Variants in ZNF599 observed in about 807,000 individuals in gnomAD.
ZNF599 encodes zinc finger protein 599.
A neutral mutation model predicts 11.7 loss-of-function variants in ZNF599; 10 were observed. The observed-to-expected ratio is 0.86, with a 90% CI of 0.53 to 1.45. ZNF599 has a LOEUF of 1.45. Ranked by LOEUF, ZNF599 falls within the 40% of genes most tolerant of loss-of-function variation. The pLI, the probability that ZNF599 is intolerant of heterozygous loss-of-function variation, is 0.00. For missense variants in ZNF599, 688 were observed against 713.6 expected, an observed-to-expected ratio of 0.96 and a Z score of 0.41; for synonymous variants, 232 against 253.2, an observed-to-expected ratio of 0.92 and a Z score of 0.79.
At position 34,766,569 on chromosome 19, in the gene ZNF599, C is replaced by T. The variant is rs183164555; in HGVS notation, c.241+747G>A. Reference sequence around the variant, plus strand: ...ACAAGTAACTTCTGTTGAGCCACTCCGGGTCAGGCAGTGTGCTAGGCAGTT... The same window carrying T: ...ACAAGTAACTTCTGTTGAGCCACTCTGGGTCAGGCAGTGTGCTAGGCAGTT... On this transcript the variant is annotated intron_variant, in intron 3 of 3. Coordinates refer to ENST00000329285, the MANE Select transcript of ZNF599 (RefSeq NM_001007248.3). Among the ~76,000 whole-genome samples the T allele has an allele frequency of 7.9e-5, 12 of 152,334 alleles. No individual in the cohort carries two copies. In the East Asian group the frequency reaches 1.2e-3, roughly 15 times the overall value.
At position 34,759,518 on chromosome 19, in the gene ZNF599, C is replaced by G; in HGVS notation, c.1283G>C (p.Cys428Ser). 6.2e-7 allele frequency: 1 copy of G among 1,614,092 alleles called. No individual in the cohort carries two copies. Among genetic ancestry groups the G allele is most frequent in the Non-Finnish European group, 8.5e-7 (1 of 1,179,986 alleles). Residue 428 changes from cysteine to serine, a missense_variant, in exon 4 of 4, where the codon TGT becomes TCT. Cys to Ser is a moderately radical substitution (Grantham distance 112). Coordinates refer to ENST00000329285, the MANE Select transcript of ZNF599 (RefSeq NM_001007248.3). ...AGAGCTGTCACAAAAGGCCTTCCCACATTCTTTGCACTCAAAGGGCTTCTC... is the reference window on the plus strand; with the variant it reads ...AGAGCTGTCACAAAAGGCCTTCCCAGATTCTTTGCACTCAAAGGGCTTCTC... ...TGEKPFECKE[C>S]GKAFCDSSSL... is the part of the protein sequence containing the mutation.
intron 3 of ZNF599, chr19:34,765,648 G>A (rs2069137686): frequency 1.4e-6 from 1 of 702,962 alleles, no homozygotes; most frequent in Non-Finnish European, 2.6e-6. Flanking sequence ...GAAGCTGCAG[G>A]ATAAGTCAGA....
At chr19:34,803,317 G>C in the ZNF599 span, among the ~76,000 whole-genome samples, 1 of 152,176 alleles carries the variant, frequency 6.6e-6, no homozygotes, top group Non-Finnish European at 1.5e-5. Flanking sequence ...AGGAAAGGCA[G>C]AATCTAGTCT....
the ZNF599 span, among the ~76,000 whole-genome samples, chr19:34,792,732 G>A: frequency 1.3e-5 from 2 of 151,896 alleles, no homozygotes; most frequent in South Asian, 2.1e-4. Flanking sequence ...GCGTGGTGGC[G>A]GGTGCCTGTA....
intron 2 of ZNF599, among the ~76,000 whole-genome samples, chr19:34,768,522 A>G (rs1422288466): frequency 6.6e-6 from 1 of 152,230 alleles, no homozygotes; most frequent in African/African-American, 2.4e-5. Flanking sequence ...TGTCCATTAA[A>G]GGTTTAGGTG....
At chr19:34,772,668 T>C (rs2069190955) in intron 1 of ZNF599, 156 bp downstream of exon 1, 2 of 1,443,492 alleles carry the variant, frequency 1.4e-6, no homozygotes. Flanking sequence ...AGGAAGTGAT[T>C]AGCCCTGCCC....
In ZNF599 at chr19:34,772,815, TC is replaced by T; in HGVS notation, c.18+8del. 6.5e-7 allele frequency: 1 copy of T among 1,528,934 alleles called. No individual in the cohort carries two copies. Among genetic ancestry groups the T allele is most frequent in the Non-Finnish European group, 8.8e-7 (1 of 1,141,546 alleles). The allele number at this position is 1,528,934 out of a possible 1,614,324, so 94.7% of individuals were successfully genotyped here. On this transcript the variant is annotated splice_region_variant and intron_variant, in intron 1 of 3. Coordinates refer to ENST00000329285, the MANE Select transcript of ZNF599 (RefSeq NM_001007248.3). ...CGAGCTCGCGCGGGCTGCGGAACCCTCCACTCACCAACGCCGGCGCCGCCAT... is the reference window on the plus strand; with the variant it reads ...CGAGCTCGCGCGGGCTGCGGAACCCTCACTCACCAACGCCGGCGCCGCCAT...
chr19:34,770,035 A>T (rs1017471718), intron 1 of ZNF599, among the ~76,000 whole-genome samples: 6 of 152,162 alleles, frequency 3.9e-5, no homozygotes, highest in Non-Finnish European at 5.9e-5. Flanking sequence ...AAGTCTCTTA[A>T]TTTCTTGGAG....
chr19:34,790,588 G>A, the ZNF599 span, among the ~76,000 whole-genome samples: 2 of 152,140 alleles, frequency 1.3e-5, no homozygotes, highest in South Asian at 2.1e-4. Flanking sequence ...AGTAGAGAGC[G>A]GAAGGCCTGG....
chr19:34,780,429 A>T, the ZNF599 span, among the ~76,000 whole-genome samples: 3 of 151,958 alleles, frequency 2.0e-5, no homozygotes, highest in Admixed American at 2.0e-4. Context: ...GGATTGCTTG[A>T]GCCCAAGAGG....
At position 34,759,723 on chromosome 19, in the gene ZNF599, T is replaced by C; in HGVS notation, c.1078A>G (p.Thr360Ala). The C allele has an allele frequency of 1.2e-6, 2 of 1,614,186 alleles. No individual in the cohort carries two copies. The highest frequency in any genetic ancestry group is 1.7e-6 in the Non-Finnish European group (2 of 1,180,034). Residue 360 changes from threonine to alanine, a missense_variant, in exon 4 of 4, where the codon ACC becomes GCC. Physicochemically the swap from Thr to Ala is moderately conservative, Grantham distance 58. Transcript: ENST00000329285. ...HRSTFIQHNV[T>A]HTGEKPFLCK... Reference sequence around the variant, plus strand: ...AAAAATGGTTTTTCTCCTGTGTGGGTCACATTGTGCTGGATAAATGTGGAG... The same window carrying C: ...AAAAATGGTTTTTCTCCTGTGTGGGCCACATTGTGCTGGATAAATGTGGAG...
chr19:34,760,285 G>C lies in ZNF599; in HGVS notation c.516C>G (p.Val172=). The C allele has an allele frequency of 6.2e-7, 1 of 1,614,184 alleles. No homozygotes were observed. The highest frequency in any genetic ancestry group is 8.5e-7 in the Non-Finnish European group (1 of 1,180,032). ...ACTCATGGAGAGCATCTTGTGGAGT[G>C]ACTCGTTCCTGTAAAACCCTTAAGC... ...SLGLRVLQER[V]TPQDALHECD... The change falls in exon 4 of 4, where the codon GTC becomes GTG. Residue 172 remains valine (V), a synonymous_variant. Coordinates refer to ENST00000329285, the MANE Select transcript of ZNF599 (RefSeq NM_001007248.3).
Position 34,760,443 on chromosome 19 carries a change from G to A in ZNF599, c.358C>T (p.Gln120Ter). Reference sequence around the variant, plus strand: ...ATTAGCTTTTCCTCATCTCTAGCTTGCCCCAACCTGGAATCTCTTGAGGAT... The same window carrying A: ...ATTAGCTTTTCCTCATCTCTAGCTTACCCCAACCTGGAATCTCTTGAGGAT... ...QRSSRDSRLGQARDEEKLIKI... is the reference protein window; with the variant it reads ...QRSSRDSRLG The change falls in exon 4 of 4, where the codon CAA becomes TAA. Residue 120 changes from glutamine (Q) to a stop codon, truncating the protein, a stop_gained. Transcript: ENST00000329285. LOFTEE classifies it low-confidence loss of function (END_TRUNC). 1 of 1,614,044 alleles carries A rather than the reference G, an allele frequency of 6.2e-7. No individual in the cohort carries two copies. The highest frequency in any genetic ancestry group is 8.5e-7 in the Non-Finnish European group (1 of 1,180,008).
chr19:34,766,730 A>T (rs2069146392), intron 3 of ZNF599, among the ~76,000 whole-genome samples: 1 of 152,222 alleles, frequency 6.6e-6, no homozygotes, highest in Admixed American at 6.5e-5. Flanking sequence ...GGTATAAAAA[A>T]GCTAAACCAC....
upstream of ZNF599, among the ~76,000 whole-genome samples, chr19:34,773,618 G>C (rs1228978143): frequency 6.6e-6 from 1 of 152,126 alleles, no homozygotes; most frequent in Non-Finnish European, 1.5e-5. Flanking sequence ...TCCCCTATCA[G>C]TAATTTTCAG....
At chr19:34,795,072 C>T in the ZNF599 span, among the ~76,000 whole-genome samples, 1 of 152,110 alleles carries the variant, frequency 6.6e-6, no homozygotes, top group Admixed American at 6.5e-5. Context: ...GACATCTTCA[C>T]ATGGAATTTA....
chr19:34,800,573 T>C, the ZNF599 span, among the ~76,000 whole-genome samples: 1 of 149,090 alleles, frequency 6.7e-6, no homozygotes, highest in East Asian at 2.0e-4. Context: ...TTTTTATTTC[T>C]AGCATTTCCT....
At chr19:34,774,473 T>C (rs2069206979), upstream of ZNF599, among the ~76,000 whole-genome samples, 1 of 152,110 alleles carries the variant, frequency 6.6e-6, no homozygotes, top group African/African-American at 2.4e-5. Flanking sequence ...AAGCATTACA[T>C]CCAAAGAGGC....
chr19:34,778,022 A>G (rs1301263220), upstream of ZNF599, among the ~76,000 whole-genome samples: 1 of 152,006 alleles, frequency 6.6e-6, no homozygotes, highest in Non-Finnish European at 1.5e-5. Context: ...ACCTTTGGAG[A>G]TGATGGATGT....
Sources: allele counts gnomAD v4.1 joint callset (sites outside exome capture counted in the v4.1 genomes callset), GRCh38; gene constraint gnomAD v4.1.1; transcripts MANE v1.5; gene names NCBI Gene and HGNC (gene_info 2026-07-23, HGNC 2026-07-21).